Variants in FILIP1L observed in about 807,000 individuals in gnomAD.
The protein encoded by FILIP1L is filamin A interacting protein 1 like.
Under a neutral mutation model 96.6 loss-of-function variants are expected in FILIP1L, and 55 were observed. That is an observed-to-expected ratio of 0.57 (90% confidence interval 0.46 to 0.71). The LOEUF is 0.71. Ranked by LOEUF, FILIP1L falls within the 30% of genes least tolerant of loss-of-function variation. The pLI, the probability that FILIP1L is intolerant of heterozygous loss-of-function variation, is 0.00. For synonymous variants in FILIP1L, 467 were observed against 473.9 expected, an observed-to-expected ratio of 0.99 and a Z score of 0.19; for missense variants, 1,304 against 1,321.2, an observed-to-expected ratio of 0.99 and a Z score of 0.20.
chr3:100,050,480 T>G (rs1049574090), intron 1 of FILIP1L, among the ~76,000 whole-genome samples: 3 of 152,198 alleles, frequency 2.0e-5, no homozygotes, highest in Non-Finnish European at 4.4e-5. Context: ...CATAGTCATT[T>G]TCTGTTTTTT....
In FILIP1L at chr3:99,930,939, G is replaced by A; in HGVS notation, c.82C>T (p.Pro28Ser). Residue 28 changes from proline (P) to serine (S), a missense_variant, in exon 2 of 6, where the codon CCT (proline) becomes TCT (serine). Coordinates refer to ENST00000477258, the MANE Select transcript of FILIP1L (RefSeq NM_001387850.1). ...RHTKGHSFQG[P>S]KNMKHRQQDK... The stretch of plus-strand genomic sequence containing the variant: ...TGCTGTCTATGCTTCATGTTTTTAG[G>A]CCCTTGGAAACTGTGGCCTTTAGTA... 6.2e-7 allele frequency: 1 copy of A among 1,613,632 alleles called. No homozygotes were observed. The highest frequency in any genetic ancestry group is 2.2e-5 in the East Asian group (1 of 44,832).
intron 4 of FILIP1L, among the ~76,000 whole-genome samples, chr3:99,910,357 A>G (rs1415761188): frequency 2.9e-5 from 4 of 136,882 alleles, no homozygotes; most frequent in African/African-American, 5.0e-5. Flanking sequence ...ATAGAATGCA[A>G]ACACATTCAG....
At chr3:99,882,888 G>A (rs963956942) in intron 4 of FILIP1L, among the ~76,000 whole-genome samples, 1 of 152,178 alleles carries the variant, frequency 6.6e-6, no homozygotes, top group African/African-American at 2.4e-5. Context: ...TTTATAGATT[G>A]CTGCTTATCA....
At chr3:99,934,459 A>G (rs939655036) in intron 1 of FILIP1L, among the ~76,000 whole-genome samples, 2 of 152,144 alleles carry the variant, frequency 1.3e-5, no homozygotes, top group African/African-American at 2.4e-5. Flanking sequence ...ATGAATTCCT[A>G]TGTTTTCCTC....
chr3:100,098,802 A>G (rs574849636), intron 1 of FILIP1L, among the ~76,000 whole-genome samples: 83 of 152,338 alleles, frequency 5.4e-4, no homozygotes, highest in African/African-American at 1.9e-3. Context: ...CCTTTCTTAA[A>G]CTAGGAAAAT....
At chr3:99,879,643 C>G (rs1449905735) in intron 4 of FILIP1L, among the ~76,000 whole-genome samples, 1 of 152,186 alleles carries the variant, frequency 6.6e-6, no homozygotes, top group African/African-American at 2.4e-5. Context: ...ATTTTCATTG[C>G]TGGTCCTTTG....
In FILIP1L at chr3:99,849,164, G is replaced by T. The variant is rs200426741; in HGVS notation, c.2512C>A (p.Pro838Thr). Residue 838 changes from proline (P) to threonine (T), a missense_variant, in exon 5 of 6, where the codon CCT (proline) becomes ACT (threonine). By Grantham distance (38) the Pro-to-Thr change is conservative (BLOSUM62 -1). Coordinates refer to ENST00000477258, the MANE Select transcript of FILIP1L (RefSeq NM_001387850.1). Reference protein sequence around the residue: ...YEESENQDEDPNDEGSVLSFK... With the variant: ...YEESENQDEDTNDEGSVLSFK... ...GACAGCACAGATCCCTCATCATTAG[G>T]GTCCTCGTCTTGATTCTCACTCTCC... The T allele has an allele frequency of 5.3e-5, 86 of 1,614,086 alleles. No individual in the cohort carries two copies. Among genetic ancestry groups the T allele is most frequent in the Admixed American group, 4.5e-4 (27 of 60,012 alleles).
chr3:99,907,526 C>T (rs1164306915), intron 4 of FILIP1L, among the ~76,000 whole-genome samples: 2 of 152,196 alleles, frequency 1.3e-5, no homozygotes, highest in Non-Finnish European at 2.9e-5. Flanking sequence ...GGATTACAGA[C>T]GTGAGCCAAC....
chr3:99,830,926 A>G (rs544750304), intron 5 of FILIP1L, among the ~76,000 whole-genome samples: 3 of 152,366 alleles, frequency 2.0e-5, no homozygotes, highest in Admixed American at 6.5e-5. Context: ...TGAGATTGCC[A>G]GAGAAAGGTT....
At chr3:99,916,828 C>T (rs556910765) in intron 4 of FILIP1L, among the ~76,000 whole-genome samples, 1 of 152,326 alleles carries the variant, frequency 6.6e-6, no homozygotes, top group East Asian at 1.9e-4. Context: ...TCACTCATCA[C>T]TTGTGCCAGC....
At chr3:99,893,532 T>G (rs1192727105) in intron 4 of FILIP1L, among the ~76,000 whole-genome samples, 1 of 152,206 alleles carries the variant, frequency 6.6e-6, no homozygotes, top group African/African-American at 2.4e-5. Context: ...TTTATAGAAT[T>G]TGAAGTCTTC....
intron 1 of FILIP1L, among the ~76,000 whole-genome samples, chr3:100,088,049 A>C (rs1244753433): frequency 6.6e-6 from 1 of 151,988 alleles, no homozygotes. Flanking sequence ...CAGGCTGGTC[A>C]GGAACTCCTG....
intron 1 of FILIP1L, among the ~76,000 whole-genome samples, chr3:99,984,653 C>G (rs1387338811): frequency 6.6e-6 from 1 of 152,130 alleles, no homozygotes; most frequent in Admixed American, 6.6e-5. Context: ...GCCAAATCTA[C>G]CAAGCCTCCT....
chr3:99,969,787 AT>A (rs1461336901), intron 1 of FILIP1L, among the ~76,000 whole-genome samples: 2 of 152,176 alleles, frequency 1.3e-5, no homozygotes, highest in African/African-American at 4.8e-5. Flanking sequence ...TGAGGAATTT[AT>A]AGTTTATTGG....
chr3:99,999,834 AAAAAC>A lies in FILIP1L; in HGVS notation c.-10-68809_-10-68805del, dbSNP rs1202963835. ...CATCCAGTTAATCTGCTAGATTTAA[AAAAAC>A]AAAACAAAACAAAACATGCCATGCT... On this transcript the variant is annotated intron_variant, in intron 1 of 5. Coordinates refer to ENST00000477258, the MANE Select transcript of FILIP1L (RefSeq NM_001387850.1). Among the ~76,000 whole-genome samples, 15 of 152,348 alleles carry A rather than the reference AAAAAC, an allele frequency of 9.8e-5. 1 individual carries two copies. The East Asian group carries it at 2.5e-3, about 25-fold the overall frequency.
At chr3:100,079,598 A>C (rs1319818126) in intron 1 of FILIP1L, among the ~76,000 whole-genome samples, 1 of 152,186 alleles carries the variant, frequency 6.6e-6, no homozygotes, top group Non-Finnish European at 1.5e-5. Flanking sequence ...ATTATTAAAA[A>C]TCTTTGTAAG....
intron 1 of FILIP1L, among the ~76,000 whole-genome samples, chr3:99,953,663 A>AAT (rs1244172659): frequency 6.6e-6 from 1 of 152,164 alleles, no homozygotes; most frequent in Non-Finnish European, 1.5e-5. Flanking sequence ...AGATGCTATA[A>AAT]ATATATTTGA....
intron 4 of FILIP1L, among the ~76,000 whole-genome samples, chr3:99,908,453 T>C (rs1460528545): frequency 6.6e-6 from 1 of 152,204 alleles, no homozygotes; most frequent in Non-Finnish European, 1.5e-5. Flanking sequence ...ATTCAGTATG[T>C]TTGGGGTTGG....
chr3:99,849,641 G>A lies in FILIP1L; in HGVS notation c.2035C>T (p.His679Tyr). Residue 679 changes from histidine (H) to tyrosine (Y), a missense_variant, in exon 5 of 6, where the codon CAT becomes TAT. Physicochemically the swap from His to Tyr is moderately conservative, Grantham distance 83 (BLOSUM62 2). Transcript: ENST00000477258. The part of the protein sequence containing the change: ...KAQFLSKELE[H>Y]VKMELAKYKL... ...TACTTAGCAAGTTCCATTTTAACAT[G>A]TTCTAGCTCTTTAGATAAAAATTGA... 1 of 1,613,336 alleles carries A rather than the reference G, an allele frequency of 6.2e-7. No homozygotes were observed. Among genetic ancestry groups the A allele is most frequent in the Non-Finnish European group, 8.5e-7 (1 of 1,179,968 alleles).
Sources: gnomAD v4.1 joint callset for allele counts (sites outside exome capture counted in the v4.1 genomes callset) on GRCh38, gnomAD v4.1.1 for gene constraint, MANE v1.5 for transcripts, NCBI Gene and HGNC (gene_info 2026-07-23, HGNC 2026-07-21) for gene names.